Variants in CERKL observed in about 807,000 individuals in gnomAD.
CERKL encodes the protein ceramide kinase-like protein.
In CERKL, 61 loss-of-function variants were observed where a neutral mutation model predicts 63.4. That is an observed-to-expected ratio of 0.96 (90% confidence interval 0.78 to 1.19). The LOEUF is 1.19. Among genes scored for constraint, CERKL ranks in the 50% most tolerant of loss-of-function variants. CERKL has a pLI of 0.00. For synonymous variants in CERKL, 250 were observed against 230.5 expected (o/e 1.08, Z -0.77); for missense variants, 675 against 655.5 (o/e 1.03, Z -0.33).
chr2:181,635,963 T>C lies in CERKL; in HGVS notation c.238+20806A>G, dbSNP rs190736957. Among the ~76,000 whole-genome samples, 517 of 152,282 alleles carry C rather than the reference T, an allele frequency of 3.4e-3. 2 individuals are homozygous for C. Among genetic ancestry groups the C allele is most frequent in the African/African-American group, 0.012 (491 of 41,564 alleles). On this transcript the variant is annotated intron_variant, in intron 1 of 12. Coordinates refer to ENST00000410087, the MANE Select transcript of CERKL (RefSeq NM_201548.5). Reference sequence around the variant, plus strand: ...TTTCTGAAAATAGAGCGCTTTAAACTATGATTATTTTTAAGTAGCCTCTAC... The same window carrying C: ...TTTCTGAAAATAGAGCGCTTTAAACCATGATTATTTTTAAGTAGCCTCTAC...
At chr2:181,603,794 A>G in intron 2 of CERKL, 43 bp downstream of exon 2, 2 of 1,599,994 alleles carry the variant, frequency 1.3e-6, no homozygotes, top group Non-Finnish European at 1.7e-6. Context: ...CATGTATATC[A>G]AGGAAACTGG....
rs1220853529 is a variant in CERKL, at chr2:181,544,790, A to G, written c.1275T>C (p.Asn425=). The change falls in exon 11 of 13, where the codon AAT becomes AAC. Residue 425 remains asparagine (N), a synonymous_variant. Transcript: ENST00000410087. The stretch of plus-strand genomic sequence containing the variant: ...CAATTATAAGAGCCATACTTCCATT[A>G]TTTAATCTGAAATTAAATATTTCTA... ...PRGLAPNTRL[N]NGSMALIIAR... The G allele has an allele frequency of 6.3e-7, 1 of 1,587,104 alleles. No homozygotes were observed. Among genetic ancestry groups the G allele is most frequent in the Admixed American group, 1.7e-5 (1 of 58,938 alleles).
intron 1 of CERKL, among the ~76,000 whole-genome samples, chr2:181,614,461 C>T (rs986198376): frequency 7.9e-5 from 12 of 152,098 alleles, no homozygotes; most frequent in East Asian, 3.8e-4. Context: ...TACACCTTTA[C>T]GGTATCACCT....
intron 1 of CERKL, among the ~76,000 whole-genome samples, chr2:181,615,182 T>A (rs1324418564): frequency 6.6e-6 from 1 of 152,170 alleles, no homozygotes; most frequent in African/African-American, 2.4e-5. Flanking sequence ...TTGTATTTTT[T>A]TGGGGGGAAA....
At chr2:181,592,275 C>T (rs958352000) in intron 2 of CERKL, among the ~76,000 whole-genome samples, 1 of 152,100 alleles carries the variant, frequency 6.6e-6, no homozygotes, top group South Asian at 2.1e-4. Context: ...TCTGACAGCT[C>T]TAAAATTGCC....
chr2:181,625,221 A>C (rs1686631989), intron 1 of CERKL, among the ~76,000 whole-genome samples: 1 of 152,182 alleles, frequency 6.6e-6, no homozygotes, highest in African/African-American at 2.4e-5. Flanking sequence ...TCAGACTCTT[A>C]GTAGGTCAAG....
At chr2:181,595,917 C>G (rs1473143337) in intron 2 of CERKL, among the ~76,000 whole-genome samples, 1 of 152,038 alleles carries the variant, frequency 6.6e-6, no homozygotes, top group East Asian at 1.9e-4. Context: ...AAAATGGAAC[C>G]TACTAAATGC....
intron 8 of CERKL, chr2:181,548,143 T>G: frequency 3.6e-6 from 2 of 550,960 alleles, no homozygotes; most frequent in Non-Finnish European, 6.4e-6. Context: ...AGACCAAAAT[T>G]ATCACGAGGG....
intron 1 of CERKL, among the ~76,000 whole-genome samples, chr2:181,644,357 G>T (rs989956599): frequency 1.3e-5 from 2 of 152,236 alleles, no homozygotes; most frequent in South Asian, 4.1e-4. Flanking sequence ...CAGCTAGCTT[G>T]ATAATTACCT....
At chr2:181,568,816 C>T (rs1236740546) in intron 3 of CERKL, among the ~76,000 whole-genome samples, 1 of 151,450 alleles carries the variant, frequency 6.6e-6, no homozygotes, top group Non-Finnish European at 1.5e-5. Context: ...GGTATATCTC[C>T]CGATGCTATC....
At chr2:181,616,613 A>G (rs1686210665) in intron 1 of CERKL, among the ~76,000 whole-genome samples, 1 of 152,244 alleles carries the variant, frequency 6.6e-6, no homozygotes, top group African/African-American at 2.4e-5. Flanking sequence ...TACATGGTGT[A>G]TGTTTAATCA....
chr2:181,626,667 C>T (rs373087577), intron 1 of CERKL, among the ~76,000 whole-genome samples: 5 of 152,214 alleles, frequency 3.3e-5, no homozygotes, highest in African/African-American at 1.2e-4. Flanking sequence ...CTGTTAGATA[C>T]ATTTTGGTAT....
chr2:181,633,172 T>A (rs188284289), intron 1 of CERKL, among the ~76,000 whole-genome samples: 1 of 152,136 alleles, frequency 6.6e-6, no homozygotes, highest in African/African-American at 2.4e-5. Flanking sequence ...AACTGAGCCA[T>A]GAAAGGTGCC....
rs1688307967 is a variant in CERKL at position 181,558,618 on chromosome 2, G to T, written c.768C>A (p.Asp256Glu). ...RAQKNAGMET[D>E]RILTPVRAQL... ...GTGCTCTGACAGGAGTCAGGATTCG[G>T]TCTGTTTCCATCCCAGCATTCTTCT... Residue 256 changes from aspartate to glutamate, a missense_variant, in exon 5 of 13, where the codon GAC (aspartate) becomes GAA (glutamate). Transcript: ENST00000410087. The surrounding 1 kb of genome is among the most constrained non-coding windows in gnomAD (Gnocchi z 4.2). 6.2e-7 allele frequency: 1 copy of T among 1,613,594 alleles called. No individual in the cohort carries two copies. The highest frequency in any genetic ancestry group is 1.1e-5 in the South Asian group (1 of 91,078).
At chr2:181,586,750 G>A (rs964394761) in intron 2 of CERKL, among the ~76,000 whole-genome samples, 4 of 152,160 alleles carry the variant, frequency 2.6e-5, no homozygotes, top group East Asian at 1.9e-4. Context: ...TCAATGAACC[G>A]TGAAGGGTGG....
chr2:181,629,172 C>A (rs1382375295), intron 1 of CERKL, among the ~76,000 whole-genome samples: 1 of 152,040 alleles, frequency 6.6e-6, no homozygotes, highest in Non-Finnish European at 1.5e-5. Context: ...ATATAAGAAT[C>A]TTAGTTCTAT....
chr2:181,636,762 T>C (rs1687196727), intron 1 of CERKL, among the ~76,000 whole-genome samples: 1 of 152,148 alleles, frequency 6.6e-6, no homozygotes, highest in Non-Finnish European at 1.5e-5. Context: ...ACATTAAAGT[T>C]TACCCTCGAA....
intron 1 of CERKL, among the ~76,000 whole-genome samples, chr2:181,655,572 C>G (rs530634262): frequency 7.2e-5 from 11 of 152,206 alleles, no homozygotes; most frequent in Non-Finnish European, 1.5e-4. Flanking sequence ...TTTCGTGAAG[C>G]GAGCGAGCAT....
Position 181,539,083 on chromosome 2 carries a change from T to TA in CERKL, c.1538+8dup. ...GGTTGACAATAAGCGGTGAAATAAA[T>TA]AGACTTACCTAATATGGACCTCTGA... On this transcript the variant is annotated intron_variant, in intron 12 of 12. Coordinates refer to ENST00000410087, the MANE Select transcript of CERKL (RefSeq NM_201548.5). 6.4e-7 allele frequency: 1 copy of TA among 1,557,094 alleles called. No homozygotes were observed. Among genetic ancestry groups the TA allele is most frequent in the Non-Finnish European group, 8.9e-7 (1 of 1,128,548 alleles).
Sources: gnomAD v4.1 joint callset for allele counts (sites outside exome capture counted in the v4.1 genomes callset) on GRCh38, gnomAD v4.1.1 for gene constraint, Gnocchi (gnomAD v3.1) non-coding constraint, MANE v1.5 for transcripts, NCBI Gene and HGNC (gene_info 2026-07-23, HGNC 2026-07-21) for gene names.